NSUN7: variants seen among roughly 807,000 people sequenced by gnomAD.
The protein encoded by NSUN7 is NOP2/Sun RNA methyltransferase family member 7, also known as protein NSUN7.
Under a neutral mutation model 58.5 loss-of-function variants are expected in NSUN7, and 39 were observed. That is an observed-to-expected ratio of 0.67 (90% CI 0.52 to 0.87). The LOEUF is 0.87. Among genes scored for constraint, NSUN7 ranks in the 40% least tolerant of loss-of-function variants. NSUN7 has a pLI of 0.00. For synonymous variants in NSUN7, 278 were observed against 303.7 expected (o/e 0.92, Z 0.88); for missense variants, 765 against 844.1 (o/e 0.91, Z 1.16).
intron 11 of NSUN7, 61 bp downstream of exon 11, chr4:40,807,245 T>C (rs958335717): frequency 1.4e-6 from 2 of 1,447,184 alleles, no homozygotes; most frequent in Non-Finnish European, 1.9e-6. Context: ...CAAAGCCTCA[T>C]AAGAGGAAGC....
chr4:40,766,364 G>T (rs1328557838), intron 4 of NSUN7, among the ~76,000 whole-genome samples: 3 of 151,742 alleles, frequency 2.0e-5, no homozygotes, highest in Non-Finnish European at 4.4e-5. Flanking sequence ...CTTTGGTTCT[G>T]TTTATATGCT....
chr4:40,767,757 T>G (rs548129354), intron 4 of NSUN7, among the ~76,000 whole-genome samples: 1 of 152,146 alleles, frequency 6.6e-6, no homozygotes, highest in Non-Finnish European at 1.5e-5. Context: ...TGGAAAGATG[T>G]TAGGACTTTA....
At chr4:40,794,502 G>A (rs778520729) in intron 9 of NSUN7, 26 bp downstream of exon 9, 24 of 1,325,734 alleles carry the variant, frequency 1.8e-5, no homozygotes, top group Non-Finnish European at 2.6e-5. Context: ...GCACCATCTT[G>A]TTAAAATAAG....
intron 11 of NSUN7, among the ~76,000 whole-genome samples, chr4:40,808,051 A>T (rs1233203424): frequency 1.3e-5 from 2 of 151,430 alleles, no homozygotes; most frequent in African/African-American, 4.9e-5. Context: ...AAAAAAAAAA[A>T]AATCTGTGTG....
intron 4 of NSUN7, among the ~76,000 whole-genome samples, chr4:40,768,191 ATTCTTTTTTT>A (rs1741827287): frequency 6.7e-6 from 1 of 150,108 alleles, no homozygotes; most frequent in African/African-American, 2.5e-5. Context: ...ATAAAGACTA[ATTCTTTTTTT>A]TTCTTTTTTT....
At chr4:40,781,843 T>C (rs1002897531) in intron 7 of NSUN7, among the ~76,000 whole-genome samples, 5 of 152,214 alleles carry the variant, frequency 3.3e-5, no homozygotes, top group African/African-American at 1.2e-4. Flanking sequence ...AAAGATATGC[T>C]GTGTGTATGC....
intron 10 of NSUN7, among the ~76,000 whole-genome samples, chr4:40,804,719 C>T (rs1017468762): frequency 3.3e-5 from 5 of 152,066 alleles, no homozygotes; most frequent in African/African-American, 1.2e-4. Context: ...TTAGTGTGCA[C>T]GCACCAGAGT....
At chr4:40,796,993 T>C (rs544636469) in intron 9 of NSUN7, among the ~76,000 whole-genome samples, 243 of 152,340 alleles carry the variant, frequency 1.6e-3, no homozygotes, top group Non-Finnish European at 2.1e-3. Flanking sequence ...GAAACGGTCC[T>C]GTGAAGATCG....
At chr4:40,769,644 A>T (rs1741903014) in intron 4 of NSUN7, among the ~76,000 whole-genome samples, 2 of 152,182 alleles carry the variant, frequency 1.3e-5, no homozygotes, top group African/African-American at 4.8e-5. Context: ...CCAGCCATGC[A>T]TTTTTGGGAT....
intron 2 of NSUN7, among the ~76,000 whole-genome samples, chr4:40,752,896 T>C (rs1318323448): frequency 6.6e-6 from 1 of 152,290 alleles, no homozygotes; most frequent in East Asian, 1.9e-4. Flanking sequence ...TTAACCATTC[T>C]TCCTCCAGTT....
At chr4:40,787,326 AAAAAAT>A (rs1742874040) in intron 7 of NSUN7, among the ~76,000 whole-genome samples, 3 of 149,510 alleles carry the variant, frequency 2.0e-5, no homozygotes, top group Non-Finnish European at 4.5e-5. Context: ...AATAAATACT[AAAAAAT>A]AAAAATAAAA....
At chr4:40,765,575 G>A (rs1393799429) in intron 4 of NSUN7, among the ~76,000 whole-genome samples, 3 of 152,004 alleles carry the variant, frequency 2.0e-5, no homozygotes, top group South Asian at 4.2e-4. Context: ...CTCTTTTTTG[G>A]TTCCATATGA....
intron 7 of NSUN7, among the ~76,000 whole-genome samples, chr4:40,779,594 A>C (rs776532606): frequency 6.6e-6 from 1 of 152,164 alleles, no homozygotes; most frequent in Non-Finnish European, 1.5e-5. Context: ...ACAGAGCCAG[A>C]CTGTTTCGAA....
At chr4:40,785,201 ATTT>A (rs34585824) in intron 7 of NSUN7, among the ~76,000 whole-genome samples, 1 of 138,664 alleles carries the variant, frequency 7.2e-6, no homozygotes, top group African/African-American at 2.6e-5. Flanking sequence ...ACTCTCAGCT[ATTT>A]TTTTTTTTTT....
At chr4:40,754,425 G>C (rs1741032777) in intron 2 of NSUN7, among the ~76,000 whole-genome samples, 3 of 152,152 alleles carry the variant, frequency 2.0e-5, no homozygotes, top group Admixed American at 2.0e-4. Context: ...TGGGATTACA[G>C]GTGTGAGCCA....
chr4:40,764,334 G>A (rs1484441337), intron 4 of NSUN7, among the ~76,000 whole-genome samples: 1 of 148,962 alleles, frequency 6.7e-6, no homozygotes, highest in Non-Finnish European at 1.5e-5. Context: ...GCAGTGTTTG[G>A]TTTTTTGTCC....
In NSUN7 at chr4:40,776,121, A is replaced by C; in HGVS notation, c.898A>C (p.Asn300His). Residue 300 changes from asparagine (N) to histidine (H), a missense_variant, in exon 7 of 12, where the codon AAT (asparagine) becomes CAT (histidine). By Grantham distance (68) the Asn-to-His change is moderately conservative. Transcript: ENST00000381782. ...LNMDDDVLMV[N>H]TGSWYTVSHM... ...TATGGATGATGATGTCTTAATGGTCAATACAGGCTCATGGTACACAGTTTC... is the reference window on the plus strand; with the variant it reads ...TATGGATGATGATGTCTTAATGGTCCATACAGGCTCATGGTACACAGTTTC... The C allele has an allele frequency of 1.9e-6, 3 of 1,608,820 alleles. No individual in the cohort carries two copies. The highest frequency in any genetic ancestry group is 2.6e-6 in the Non-Finnish European group (3 of 1,176,144).
At chr4:40,754,188 C>T (rs550553321) in intron 2 of NSUN7, among the ~76,000 whole-genome samples, 7 of 150,156 alleles carry the variant, frequency 4.7e-5, no homozygotes, top group South Asian at 4.2e-4. Context: ...CTGTCACCCA[C>T]GCTGGAGTGC....
At chr4:40,789,840 A>G (rs987742934) in intron 7 of NSUN7, among the ~76,000 whole-genome samples, 1 of 152,170 alleles carries the variant, frequency 6.6e-6, no homozygotes, top group East Asian at 1.9e-4. Flanking sequence ...AGGTGGGGCC[A>G]TATCAAGAGT....
Sources: gnomAD v4.1 joint callset for allele counts (sites outside exome capture counted in the v4.1 genomes callset) on GRCh38, gnomAD v4.1.1 for gene constraint, MANE v1.5 for transcripts, NCBI Gene and HGNC (gene_info 2026-07-23, HGNC 2026-07-21) for gene names.